Variants in ACYP2 observed in about 807,000 individuals in gnomAD.
The protein encoded by ACYP2 is acylphosphatase-2.
ACYP2 carries 12 observed loss-of-function variants against 11.2 expected under a neutral mutation model. That is an observed-to-expected ratio of 1.08 (90% confidence interval 0.69 to 1.74). The LOEUF is 1.74. ACYP2 is among the 40% of genes most tolerant of loss of function. ACYP2 has a pLI of 0.00. For synonymous variants in ACYP2, 43 were observed against 32.2 expected (o/e 1.33, Z -1.13); for missense variants, 134 against 101.9 (o/e 1.31, Z -1.35).
rs376694718 is a variant in ACYP2 at position 54,293,761 on chromosome 2, AG to A, written c.405-10925del. Among the ~76,000 whole-genome samples, 60 of 152,342 alleles carry A rather than the reference AG, an allele frequency of 3.9e-4. No homozygotes were observed. The Middle Eastern group carries it at 0.01, about 26-fold the overall frequency. ...TTAAAAATGAGGAATCTTAGGTCTT[AG>A]GTTAATTATGGATGCTCTAGGATTT... On this transcript the variant is annotated intron_variant, in intron 6 of 6. Transcript: ENST00000607452.
At chr2:54,254,032 A>G (rs1687361253) in intron 6 of ACYP2, 1 of 152,222 alleles carries the variant, frequency 6.6e-6, no homozygotes, top group Admixed American at 6.5e-5. Context: ...AGGTTCAGGA[A>G]GGGAGGCAAA....
chr2:54,139,475 A>G (rs1474589192), intron 6 of ACYP2, among the ~76,000 whole-genome samples: 1 of 152,228 alleles, frequency 6.6e-6, no homozygotes, highest in East Asian at 1.9e-4. Context: ...GACGTTTTCA[A>G]AAGCCTTGTG....
intron 2 of ACYP2, among the ~76,000 whole-genome samples, chr2:54,038,673 C>CTATATATATATATA (rs56817782): frequency 6.6e-5 from 7 of 106,102 alleles, no homozygotes; most frequent in Non-Finnish European, 1.1e-4. Flanking sequence ...TTATTGAATA[C>CTATATATATATATA]TATATATATA....
At chr2:54,287,427 A>G (rs1242043560) in intron 6 of ACYP2, among the ~76,000 whole-genome samples, 1 of 151,988 alleles carries the variant, frequency 6.6e-6, no homozygotes, top group Non-Finnish European at 1.5e-5. Flanking sequence ...TGGGGGATAC[A>G]TTCAGACCAC....
At chr2:54,078,682 C>G (rs931460808) in intron 4 of ACYP2, among the ~76,000 whole-genome samples, 1 of 151,596 alleles carries the variant, frequency 6.6e-6, no homozygotes, top group African/African-American at 2.4e-5. Flanking sequence ...TCACTGTAAC[C>G]TCCGCCTCCT....
intron 6 of ACYP2, chr2:54,254,753 C>A: frequency 1.6e-6 from 1 of 644,498 alleles, no homozygotes; most frequent in Non-Finnish European, 2.6e-6. Context: ...AGCAGCACAG[C>A]CACCAAGGTC....
intron 2 of ACYP2, among the ~76,000 whole-genome samples, chr2:54,048,285 AGT>A (rs1573604688): frequency 6.6e-6 from 1 of 152,026 alleles, no homozygotes; most frequent in African/African-American, 2.4e-5. Flanking sequence ...AAGTCAGCTG[AGT>A]GTGGTGGCAC....
intron 2 of ACYP2, among the ~76,000 whole-genome samples, chr2:54,024,241 C>T (rs1674157987): frequency 6.6e-6 from 1 of 152,118 alleles, no homozygotes; most frequent in African/African-American, 2.4e-5. Context: ...TGGCTCGTGC[C>T]TGTAGTCCCA....
chr2:54,279,223 G>A (rs1688742130), intron 6 of ACYP2, among the ~76,000 whole-genome samples: 1 of 152,184 alleles, frequency 6.6e-6, no homozygotes, highest in Non-Finnish European at 1.5e-5. Flanking sequence ...GATAGCCAGT[G>A]GGCCATATCC....
At chr2:54,072,723 A>G (rs1677130912) in intron 4 of ACYP2, among the ~76,000 whole-genome samples, 1 of 151,702 alleles carries the variant, frequency 6.6e-6, no homozygotes, top group Admixed American at 6.6e-5. Flanking sequence ...CCACTGTGCC[A>G]GGCTAATTTT....
intron 6 of ACYP2, among the ~76,000 whole-genome samples, chr2:54,157,144 A>T (rs1029084371): frequency 7.2e-5 from 11 of 152,296 alleles, no homozygotes; most frequent in Admixed American, 2.6e-4. Flanking sequence ...GGAGTAAAAG[A>T]TGTAAGTTCT....
intron 6 of ACYP2, among the ~76,000 whole-genome samples, chr2:54,190,094 A>C (rs1684179739): frequency 1.3e-5 from 2 of 152,114 alleles, no homozygotes; most frequent in South Asian, 2.1e-4. Context: ...GTTCTTTATA[A>C]ATTTTGAATA....
intron 6 of ACYP2, among the ~76,000 whole-genome samples, chr2:54,282,132 C>G (rs1483132892): frequency 6.6e-6 from 1 of 151,864 alleles, no homozygotes; most frequent in Non-Finnish European, 1.5e-5. Flanking sequence ...ATTTTTTTGC[C>G]TCAAACATCT....
intron 4 of ACYP2, among the ~76,000 whole-genome samples, chr2:54,081,320 C>T (rs1359630284): frequency 1.3e-5 from 2 of 152,278 alleles, no homozygotes; most frequent in South Asian, 2.1e-4. Context: ...CAAGTACAGT[C>T]CTGCAGTACA....
At chr2:54,254,688 C>A (rs977341662) in intron 6 of ACYP2, 17 of 526,544 alleles carry the variant, frequency 3.2e-5, no homozygotes, top group Non-Finnish European at 5.4e-5. Flanking sequence ...TGTGACCCAT[C>A]GGCTGGGAGC....
At chr2:54,236,509 A>G (rs983652469) in intron 6 of ACYP2, among the ~76,000 whole-genome samples, 3 of 152,020 alleles carry the variant, frequency 2.0e-5, no homozygotes, top group African/African-American at 7.2e-5. Flanking sequence ...TTCTAGGTAA[A>G]TTTTTGTTAT....
intron 2 of ACYP2, among the ~76,000 whole-genome samples, chr2:54,015,657 A>T (rs906836963): frequency 2.0e-4 from 29 of 147,988 alleles, no homozygotes; most frequent in Admixed American, 6.0e-4. Context: ...ACACACACAC[A>T]CACACACACA....
chr2:54,256,869 T>C (rs556142143), intron 6 of ACYP2, among the ~76,000 whole-genome samples: 25 of 152,310 alleles, frequency 1.6e-4, no homozygotes, highest in African/African-American at 6.0e-4. Context: ...GGTTTTGCCA[T>C]GTTGGCCAGG....
chr2:54,122,194 A>G (rs1680198572), intron 4 of ACYP2, among the ~76,000 whole-genome samples: 1 of 152,254 alleles, frequency 6.6e-6, no homozygotes, highest in Non-Finnish European at 1.5e-5. Flanking sequence ...GGTAGGTTAC[A>G]ATATAAAAAA....
Sources: gnomAD v4.1 joint callset for allele counts (sites outside exome capture counted in the v4.1 genomes callset) on GRCh38, gnomAD v4.1.1 for gene constraint, MANE v1.5 for transcripts, NCBI Gene and HGNC (gene_info 2026-07-23, HGNC 2026-07-21) for gene names.